CLIC5: variants seen among roughly 807,000 people sequenced by gnomAD.
CLIC5 encodes the protein CLIC family member 5, also known as chloride intracellular channel protein 5.
CLIC5 carries 20 observed loss-of-function variants against 24.7 expected under a neutral mutation model. That is an observed-to-expected ratio of 0.81 (90% CI 0.57 to 1.18). The LOEUF (loss-of-function observed/expected upper bound fraction) is 1.18, where lower values mean the gene tolerates loss of function less well. Among genes scored for constraint, CLIC5 ranks in the 50% most tolerant of loss-of-function variants. The probability of loss-of-function intolerance (pLI) is 0.00; values close to 1 mark genes in which losing one functional copy is unlikely to be tolerated. For synonymous variants in CLIC5, 159 were observed against 135.6 expected (o/e 1.17, Z -1.20); for missense variants, 341 against 326.1 (o/e 1.05, Z -0.35).
At chr6:45,933,996 A>G (rs1763841632) in intron 4 of CLIC5, among the ~76,000 whole-genome samples, 1 of 152,182 alleles carries the variant, frequency 6.6e-6, no homozygotes, top group African/African-American at 2.4e-5. Flanking sequence ...AGGAGGGGAG[A>G]GCCAAAGAAA....
intron 1 of CLIC5, among the ~76,000 whole-genome samples, chr6:45,991,751 T>TG (rs1765949610): frequency 6.6e-6 from 1 of 152,100 alleles, no homozygotes; most frequent in Non-Finnish European, 1.5e-5. Flanking sequence ...CAGATACATC[T>TG]GGGAGTGGGT....
At chr6:46,095,869 A>T in the CLIC5 span, among the ~76,000 whole-genome samples, 40 of 151,514 alleles carry the variant, frequency 2.6e-4, no homozygotes, top group South Asian at 8.2e-3. Flanking sequence ...GTCTGTACTA[A>T]GCTGCTTCCA....
chr6:45,941,091 C>T (rs544534997), intron 4 of CLIC5, among the ~76,000 whole-genome samples: 1 of 152,294 alleles, frequency 6.6e-6, no homozygotes, highest in South Asian at 2.1e-4. Flanking sequence ...TCCACATTTG[C>T]CACAGTAGTG....
At chr6:46,070,177 C>G (rs1333201091) in intron 1 of CLIC5, among the ~76,000 whole-genome samples, 1 of 152,166 alleles carries the variant, frequency 6.6e-6, no homozygotes, top group Non-Finnish European at 1.5e-5. Flanking sequence ...CAAGAAGGCC[C>G]TCTCTCACCA....
chr6:45,898,089 G>A (rs1762421172), downstream of CLIC5, among the ~76,000 whole-genome samples: 1 of 152,004 alleles, frequency 6.6e-6, no homozygotes, highest in South Asian at 2.1e-4. Flanking sequence ...TTGTTTGAGA[G>A]GGAGTCTCGC....
intron 5 of CLIC5, among the ~76,000 whole-genome samples, chr6:45,913,283 T>C (rs1232753226): frequency 3.9e-5 from 6 of 152,136 alleles, no homozygotes; most frequent in Non-Finnish European, 7.4e-5. Context: ...GGCTATCTGA[T>C]ACTAGGCTGA....
intron 2 of CLIC5, among the ~76,000 whole-genome samples, chr6:45,953,018 C>T (rs1457959187): frequency 6.6e-6 from 1 of 152,080 alleles, no homozygotes; most frequent in Non-Finnish European, 1.5e-5. Context: ...AAACACGATT[C>T]CAGTCTGTCC....
chr6:46,067,421 G>A (rs559170572), intron 1 of CLIC5, among the ~76,000 whole-genome samples: 1 of 152,266 alleles, frequency 6.6e-6, no homozygotes, highest in Admixed American at 6.5e-5. Context: ...CTCCCGCAGG[G>A]TTGACACTGA....
chr6:45,886,800 C>T (rs796431079), intron 6 of CLIC5, among the ~76,000 whole-genome samples: 1 of 152,150 alleles, frequency 6.6e-6, no homozygotes, highest in African/African-American at 2.4e-5. Context: ...CAAAGGAAAA[C>T]GTTTTCCAAA....
At chr6:45,987,367 G>A (rs1765778759) in intron 1 of CLIC5, among the ~76,000 whole-genome samples, 1 of 152,186 alleles carries the variant, frequency 6.6e-6, no homozygotes, top group Non-Finnish European at 1.5e-5. Flanking sequence ...GTCTCCATTG[G>A]AGAAAGAAAC....
rs757439822 is a variant in CLIC5, at chr6:45,914,385, G to A, written c.431C>T (p.Ala144Val). 8.8e-6 allele frequency: 14 copies of A among 1,584,116 alleles called. No individual in the cohort carries two copies. Among genetic ancestry groups the A allele is most frequent in the Non-Finnish European group, 1.1e-5 (13 of 1,158,254 alleles). The change falls in exon 5 of 6, where the codon GCT becomes GTT. Residue 144 changes from alanine (A) to valine (V), a missense_variant. Coordinates refer to ENST00000339561, the MANE Select transcript of CLIC5 (RefSeq NM_016929.5). ...CAGGTAGTCATCCAATTTCTTTAGA[G>A]CCTTGGTTAGGCCTCTTTCAAGAGC... Reference protein sequence around the residue: ...NAALERGLTKALKKLDDYLNT... With the variant: ...NAALERGLTKVLKKLDDYLNT...
the CLIC5 span, among the ~76,000 whole-genome samples, chr6:46,097,929 G>C: frequency 1.3e-5 from 2 of 150,938 alleles, no homozygotes; most frequent in Admixed American, 1.3e-4. Context: ...CATCTGATGG[G>C]GTGTACACAC....
chr6:45,888,929 C>A (rs1762327171), intron 6 of CLIC5, among the ~76,000 whole-genome samples: 1 of 152,120 alleles, frequency 6.6e-6, no homozygotes. Flanking sequence ...TTATTCATTG[C>A]AGCATTTTTT....
chr6:46,059,962 C>T (rs1472172313), intron 1 of CLIC5, among the ~76,000 whole-genome samples: 1 of 152,134 alleles, frequency 6.6e-6, no homozygotes. Flanking sequence ...AGATTTAAGT[C>T]TTTAATCCAA....
At chr6:46,058,745 A>G (rs1768332322) in intron 1 of CLIC5, among the ~76,000 whole-genome samples, 1 of 152,178 alleles carries the variant, frequency 6.6e-6, no homozygotes, top group South Asian at 2.1e-4. Flanking sequence ...TTGTACTATA[A>G]AGGCTCAACG....
intron 3 of CLIC5, among the ~76,000 whole-genome samples, chr6:45,945,528 T>A (rs1034314451): frequency 6.6e-6 from 1 of 152,180 alleles, no homozygotes; most frequent in African/African-American, 2.4e-5. Flanking sequence ...GGAGGGCATG[T>A]ATTCCAAAAA....
the CLIC5 span, among the ~76,000 whole-genome samples, chr6:46,116,354 T>G: frequency 1.3e-5 from 2 of 152,266 alleles, no homozygotes; most frequent in Non-Finnish European, 2.9e-5. Context: ...GGGGGGATGG[T>G]AAAAGTTATG....
intron 4 of CLIC5, among the ~76,000 whole-genome samples, chr6:45,927,945 G>T (rs530958240): frequency 6.6e-6 from 1 of 152,080 alleles, no homozygotes; most frequent in Non-Finnish European, 1.5e-5. Context: ...AAATGTATTC[G>T]CAAGGTAGAA....
upstream of CLIC5, among the ~76,000 whole-genome samples, chr6:46,083,516 C>A (rs1424799217): frequency 6.6e-6 from 1 of 152,048 alleles, no homozygotes; most frequent in East Asian, 1.9e-4. Context: ...TTATTTCTGC[C>A]TTCATTTCAT....
Sources: allele counts gnomAD v4.1 joint callset (sites outside exome capture counted in the v4.1 genomes callset), GRCh38; gene constraint gnomAD v4.1.1; transcripts MANE v1.5; gene names NCBI Gene and HGNC (gene_info 2026-07-23, HGNC 2026-07-21).